The following TNS1 variants were observed in gnomAD, a reference collection of about 807,000 sequenced individuals.
TNS1 encodes the protein tensin 1.
Under a neutral mutation model 168.6 loss-of-function variants are expected in TNS1, and 62 were observed. The ratio of observed to expected loss-of-function variants is 0.37; its 90% CI spans 0.30 to 0.45. TNS1 has a LOEUF of 0.45. Among genes scored for constraint, TNS1 ranks in the 20% least tolerant of loss-of-function variants. TNS1 has a pLI of 1.00. For synonymous variants in TNS1, 934 were observed against 933.2 expected (o/e 1.00, Z -0.02); for missense variants, 2,240 against 2,339.4 (o/e 0.96, Z 0.88).
At chr2:217,974,682 C>T (rs141012169) in intron 3 of TNS1, among the ~76,000 whole-genome samples, 2 of 152,162 alleles carry the variant, frequency 1.3e-5, no homozygotes, top group Non-Finnish European at 2.9e-5. Flanking sequence ...ACTATCGTTC[C>T]AAGAAAGGAG....
intron 18 of TNS1, chr2:217,859,645 C>T (rs1382828405): frequency 6.5e-7 from 1 of 1,536,424 alleles, no homozygotes; most frequent in Admixed American, 2.0e-5. Flanking sequence ...TATTGATCCT[C>T]CAGGCCACCT....
chr2:218,007,940 G>A (rs1232777249), upstream of TNS1, among the ~76,000 whole-genome samples: 2 of 152,130 alleles, frequency 1.3e-5, no homozygotes, highest in Non-Finnish European at 2.9e-5. Flanking sequence ...GGCACGACAT[G>A]GTCTGGGGGA....
At position 218,021,321 on chromosome 2, in the gene TNS1, T is replaced by C. The variant is rs118155325; in HGVS notation, c.156+12499A>G. Reference sequence around the variant, plus strand: ...GGCTGGGGCAGGGAATGAAAAGGGATGGGGACTGCTGAACTGAAGAGTCTG... The same window carrying C: ...GGCTGGGGCAGGGAATGAAAAGGGACGGGGACTGCTGAACTGAAGAGTCTG... On this transcript the variant is annotated intron_variant, in intron 1 of 1. Transcript: ENST00000649572. Among the ~76,000 whole-genome samples the C allele has an allele frequency of 2.6e-3, 389 of 152,274 alleles. 10 individuals carry two copies. In the East Asian group the frequency reaches 0.063, roughly 25 times the overall value.
At chr2:217,975,468 G>A (rs148539770) in intron 3 of TNS1, among the ~76,000 whole-genome samples, 52 of 152,270 alleles carry the variant, frequency 3.4e-4, no homozygotes, top group African/African-American at 1.2e-3. Context: ...CAGGAACAGT[G>A]AGGGTGGCGT....
At chr2:217,857,688 C>A (rs1232702100) in intron 18 of TNS1, among the ~76,000 whole-genome samples, 3 of 152,190 alleles carry the variant, frequency 2.0e-5, no homozygotes, top group Non-Finnish European at 4.4e-5. Flanking sequence ...GCCTGGAGGG[C>A]AAGTGATCTG....
Position 217,891,035 on chromosome 2 carries a change from C to A in TNS1, c.793G>T (p.Ala265Ser). Reference protein sequence around the residue: ...YSNISASADQALDRFAMKRFY... With the variant: ...YSNISASADQSLDRFAMKRFY... ...CGCTTCATTGCAAACCGGTCCAGAG[C>A]CTGGTCCGCACTGCAGGGAGAGACA... Residue 265 changes from alanine (A) to serine (S), a missense_variant, in exon 12 of 33, where the codon GCT becomes TCT. This residue lies in a region of TNS1 where 2,131 missense variants were observed against 2,171.2 expected (regional missense o/e 0.98). Coordinates refer to ENST00000682258, the MANE Select transcript of TNS1 (RefSeq NM_001387777.1). 6.2e-7 allele frequency: 1 copy of A among 1,614,208 alleles called. No individual in the cohort carries two copies. The highest frequency in any genetic ancestry group is 8.5e-7 in the Non-Finnish European group (1 of 1,180,036).
At chr2:217,846,148 T>G (rs1946618132) in intron 19 of TNS1, among the ~76,000 whole-genome samples, 1 of 152,192 alleles carries the variant, frequency 6.6e-6, no homozygotes, top group African/African-American at 2.4e-5. Context: ...GAACTGCCCA[T>G]CCTTTGTTCC....
chr2:217,998,880 C>T (rs757158478), intron 1 of TNS1, among the ~76,000 whole-genome samples: 39 of 152,272 alleles, frequency 2.6e-4, no homozygotes, highest in Non-Finnish European at 5.3e-4. Flanking sequence ...CAGGTTAGGT[C>T]CCCCTTACAT....
intron 23 of TNS1, among the ~76,000 whole-genome samples, chr2:217,821,370 A>C (rs974528189): frequency 1.8e-4 from 28 of 152,144 alleles, no homozygotes; most frequent in Admixed American, 1.5e-3. Context: ...TAACTGCATA[A>C]AGCACTTAGC....
At chr2:217,893,812 T>G (rs1043229903) in intron 9 of TNS1, among the ~76,000 whole-genome samples, 3 of 152,188 alleles carry the variant, frequency 2.0e-5, no homozygotes, top group Admixed American at 6.5e-5. Flanking sequence ...CTGTGGGGCC[T>G]TAGGCCTCAG....
intron 14 of TNS1, 37 bp downstream of exon 14, chr2:217,886,007 G>A: frequency 6.2e-7 from 1 of 1,611,186 alleles, no homozygotes; most frequent in Non-Finnish European, 8.5e-7. Flanking sequence ...CCTGGGCCTT[G>A]GGCTTCTCTG....
At chr2:217,854,836 G>A (rs1255613117) in intron 18 of TNS1, among the ~76,000 whole-genome samples, 1 of 152,200 alleles carries the variant, frequency 6.6e-6, no homozygotes, top group East Asian at 1.9e-4. Context: ...GATGGCTCTG[G>A]AGAGGAGACA....
At chr2:217,911,284 T>A (rs1031971808) in intron 4 of TNS1, among the ~76,000 whole-genome samples, 1 of 152,194 alleles carries the variant, frequency 6.6e-6, no homozygotes, top group Non-Finnish European at 1.5e-5. Context: ...TATCACTACC[T>A]GAAAACCAAG....
At chr2:217,859,032 C>G (rs896651414) in intron 18 of TNS1, among the ~76,000 whole-genome samples, 1 of 148,210 alleles carries the variant, frequency 6.7e-6, no homozygotes, top group Non-Finnish European at 1.5e-5. Context: ...GGTCCCAGCA[C>G]AGCCCAGCCC....
rs1407454412 is a variant in TNS1, at chr2:217,800,888, C to T, written c.*3571G>A. 4 of 152,226 alleles carry T rather than the reference C, an allele frequency of 2.6e-5. No individual in the cohort carries two copies. Among genetic ancestry groups the T allele is most frequent in the East Asian group, 1.9e-4 (1 of 5,182 alleles). The allele number at this position is 152,226 out of a possible 1,614,324, so 9.4% of individuals were successfully genotyped here. ...CTGGACAGCATGCTCCCCTGGAGCCCCTGCACAGGCTCATCAGAACAAGGC... is the reference window on the plus strand; with the variant it reads ...CTGGACAGCATGCTCCCCTGGAGCCTCTGCACAGGCTCATCAGAACAAGGC... On this transcript the variant is annotated 3_prime_UTR_variant, in exon 33 of 33. Transcript: ENST00000682258.
intron 1 of TNS1, among the ~76,000 whole-genome samples, chr2:218,009,874 G>A (rs1958690288): frequency 6.6e-6 from 1 of 152,226 alleles, no homozygotes; most frequent in Admixed American, 6.5e-5. Flanking sequence ...TGCGCTGGGG[G>A]AGGGGCAGCA....
At chr2:217,873,005 G>C (rs1043854556) in intron 18 of TNS1, among the ~76,000 whole-genome samples, 2 of 152,204 alleles carry the variant, frequency 1.3e-5, no homozygotes, top group Admixed American at 1.3e-4. Flanking sequence ...GAGACAGAAA[G>C]TAGATTAGGG....
At chr2:217,842,092 G>A in intron 19 of TNS1, 1 of 702,992 alleles carries the variant, frequency 1.4e-6, no homozygotes, top group Non-Finnish European at 2.6e-6. Flanking sequence ...CAGTTCCTAT[G>A]CTGGTTCCCT....
chr2:217,839,721 AC>A (rs1478505928), intron 19 of TNS1, among the ~76,000 whole-genome samples: 1 of 151,846 alleles, frequency 6.6e-6, no homozygotes, highest in East Asian at 1.9e-4. Flanking sequence ...CCTCCTCTGC[AC>A]CCCCCAGACT....
Sources: allele counts gnomAD v4.1 joint callset (sites outside exome capture counted in the v4.1 genomes callset), GRCh38; gene constraint gnomAD v4.1.1; regional missense constraint gnomAD v4.1.1; transcripts MANE v1.5; gene names NCBI Gene and HGNC (gene_info 2026-07-23, HGNC 2026-07-21).